Variants in VAT1L observed in about 807,000 individuals in gnomAD.
The protein encoded by VAT1L is putative NADPH-dependent quinone oxidoreductase VAT1L.
A neutral mutation model predicts 44.1 loss-of-function variants in VAT1L; 34 were observed. That is an observed-to-expected ratio of 0.77 (90% confidence interval 0.59 to 1.03). The LOEUF (loss-of-function observed/expected upper bound fraction) is 1.03. VAT1L is among the 50% of genes least tolerant of loss of function. The probability of loss-of-function intolerance (pLI) is 0.00; values close to 1 mark genes in which losing one functional copy is unlikely to be tolerated. For synonymous variants in VAT1L, 253 were observed against 202.2 expected (o/e 1.25, Z -2.13); for missense variants, 615 against 538.8 (o/e 1.14, Z -1.40).
rs35017686 is a variant in VAT1L at position 77,975,194 on chromosome 16, C to CTTTTTTTTTTTTTTTTT, written c.1162-2385_1162-2369dup. Among the ~76,000 whole-genome samples the CTTTTTTTTTTTTTTTTT allele has an allele frequency of 5.3e-4, 21 of 39,858 alleles. 3 individuals carry two copies. Among genetic ancestry groups the CTTTTTTTTTTTTTTTTT allele is most frequent in the South Asian group, 1.2e-3 (1 of 812 alleles). The allele number at this position is 39,858 out of a possible 152,430, so 26.1% of individuals were successfully genotyped here. ...GTGCTTTCTCCTACTGGAATGACCACTTTTTTTTTTTTTTTTTTTTTTTTT... is the reference window on the plus strand; with the variant it reads ...GTGCTTTCTCCTACTGGAATGACCACTTTTTTTTTTTTTTTTTTTTTTTTTTTTTTTTTTTTTTTTTT... On this transcript the variant is annotated intron_variant, in intron 8 of 8. Transcript: ENST00000302536.
rs374966419 is a variant in VAT1L at position 77,820,269 on chromosome 16, G to T, written c.363+3219G>T. Among the ~76,000 whole-genome samples, 121 of 149,548 alleles carry T rather than the reference G, an allele frequency of 8.1e-4. 1 individual carries two copies. The highest frequency in any genetic ancestry group is 2.4e-3 in the African/African-American group (100 of 41,310). ...TGACAATAGTCATGGTGACTCCCAG[G>T]GTTTCCGTGATTCTCCCTCTACAAA... is the stretch of plus-strand genomic sequence containing the variant. On this transcript the variant is annotated intron_variant, in intron 2 of 8. Transcript: ENST00000302536.
At chr16:77,850,235 C>T (rs898199223) in intron 3 of VAT1L, among the ~76,000 whole-genome samples, 20 of 152,196 alleles carry the variant, frequency 1.3e-4, no homozygotes, top group Non-Finnish European at 2.4e-4. Flanking sequence ...ATCTCCTAAG[C>T]CCCCACTTTG....
chr16:77,955,488 G>A (rs1056889087), intron 7 of VAT1L, among the ~76,000 whole-genome samples: 2 of 152,198 alleles, frequency 1.3e-5, no homozygotes, highest in South Asian at 2.1e-4. Context: ...ACTTTGGGAC[G>A]CCAAGGCGGG....
chr16:77,947,524 C>A (rs1475426164), intron 7 of VAT1L, among the ~76,000 whole-genome samples: 1 of 152,010 alleles, frequency 6.6e-6, no homozygotes, highest in Non-Finnish European at 1.5e-5. Context: ...ATATTACTCT[C>A]AGGGTTATCT....
At chr16:77,955,777 CA>C (rs1305895047) in intron 7 of VAT1L, among the ~76,000 whole-genome samples, 4 of 148,172 alleles carry the variant, frequency 2.7e-5, no homozygotes, top group Non-Finnish European at 5.9e-5. Flanking sequence ...GACCCAGGGA[CA>C]AGCAAGATGC....
intron 7 of VAT1L, among the ~76,000 whole-genome samples, chr16:77,952,772 C>T (rs112129994): frequency 0.05 from 7,314 of 146,242 alleles, 602 homozygotes; most frequent in African/African-American, 0.18. Context: ...GCAGGAGAAT[C>T]GTTTGACCTG....
intron 7 of VAT1L, among the ~76,000 whole-genome samples, chr16:77,951,962 G>C (rs1026279073): frequency 2.0e-5 from 3 of 152,168 alleles, no homozygotes; most frequent in Non-Finnish European, 4.4e-5. Flanking sequence ...TGAGCACTAG[G>C]GGGAGATAGT....
At chr16:77,949,061 A>C (rs1443787845) in intron 7 of VAT1L, among the ~76,000 whole-genome samples, 1 of 152,254 alleles carries the variant, frequency 6.6e-6, no homozygotes, top group East Asian at 1.9e-4. Flanking sequence ...ATCAGTAATC[A>C]TGACTGTGGC....
At chr16:77,854,221 T>C (rs1339064468) in intron 3 of VAT1L, among the ~76,000 whole-genome samples, 1 of 152,126 alleles carries the variant, frequency 6.6e-6, no homozygotes, top group Non-Finnish European at 1.5e-5. Flanking sequence ...CTCTCCTATC[T>C]CAGCCATGCA....
Position 77,945,278 on chromosome 16 carries a change from C to CT in VAT1L, c.1078-26556dup, listed in dbSNP as rs56055464. On this transcript the variant is annotated intron_variant, in intron 7 of 8. Transcript: ENST00000302536. ...GAATGGCCAATTCCAGATTGCAGAA[C>CT]TTTTTTTTTTTTTTTTGAGAGAGAG... Among the ~76,000 whole-genome samples the CT allele has an allele frequency of 9.8e-3, 814 of 83,066 alleles. 38 individuals carry two copies. Among genetic ancestry groups the CT allele is most frequent in the African/African-American group, 0.033 (772 of 23,262 alleles). 54.5% of individuals were successfully genotyped at this position (83,066 alleles called of 152,430 possible). A position where few individuals can be genotyped will look rare whatever the true frequency, so the allele number is the denominator to read the frequency against.
chr16:77,789,573 C>T (rs558063480), intron 1 of VAT1L, among the ~76,000 whole-genome samples: 20 of 152,134 alleles, frequency 1.3e-4, no homozygotes, highest in South Asian at 4.1e-4. Flanking sequence ...CGTAGCCTGA[C>T]GGGGAAAGGA....
At chr16:77,791,151 G>C (rs1324177138) in intron 1 of VAT1L, among the ~76,000 whole-genome samples, 2 of 152,194 alleles carry the variant, frequency 1.3e-5, no homozygotes, top group African/African-American at 4.8e-5. Context: ...CCTCTGGGCT[G>C]GGATTGGCTG....
chr16:77,862,725 T>A (rs404962), intron 3 of VAT1L, 23 bp from the exon 4 acceptor site: 2 of 1,606,014 alleles, frequency 1.2e-6, no homozygotes, highest in Middle Eastern at 1.7e-4. Context: ...ATGTGTGACA[T>A]AGCTATTGTC....
In VAT1L at chr16:77,817,038, G is replaced by A; in HGVS notation, c.351G>A (p.Val117=). 1 of 1,613,792 alleles carries A rather than the reference G, an allele frequency of 6.2e-7. No individual in the cohort carries two copies. Among genetic ancestry groups the A allele is most frequent in the South Asian group, 1.1e-5 (1 of 90,994 alleles). Residue 117 remains valine, a synonymous_variant, in exon 2 of 9, where the codon GTG becomes GTA. Coordinates refer to ENST00000302536, the MANE Select transcript of VAT1L (RefSeq NM_020927.3). ...TTGTTGAAGCTCTGGGGGACAGCGT[G>A]AAAGGATATGAGGTAATGTTTGGCT... The part of the protein sequence containing the change: ...SGIVEALGDS[V]KGYEIGDRVM...
At chr16:77,837,291 T>G (rs1292835573) in intron 3 of VAT1L, among the ~76,000 whole-genome samples, 1 of 152,226 alleles carries the variant, frequency 6.6e-6, no homozygotes, top group Non-Finnish European at 1.5e-5. Flanking sequence ...TCAGGCAGAT[T>G]TGGTGCCTGG....
At chr16:77,936,867 G>C (rs1472986371) in intron 7 of VAT1L, among the ~76,000 whole-genome samples, 1 of 89,264 alleles carries the variant, frequency 1.1e-5, no homozygotes, top group Non-Finnish European at 2.4e-5. Flanking sequence ...GGTTTGTTTG[G>C]TTTCTTGTTT....
At chr16:77,933,537 C>A (rs72796728) in intron 7 of VAT1L, among the ~76,000 whole-genome samples, 1 of 151,930 alleles carries the variant, frequency 6.6e-6, no homozygotes, top group East Asian at 1.9e-4. Flanking sequence ...ATAATTTCAA[C>A]AATGGAAAAA....
intron 7 of VAT1L, among the ~76,000 whole-genome samples, chr16:77,957,672 C>G (rs2018118728): frequency 6.6e-6 from 1 of 151,742 alleles, no homozygotes; most frequent in Non-Finnish European, 1.5e-5. Context: ...TTGCAGTGAG[C>G]TGAGATCGGG....
At chr16:77,798,112 A>G (rs1021130579) in intron 1 of VAT1L, among the ~76,000 whole-genome samples, 3 of 152,194 alleles carry the variant, frequency 2.0e-5, no homozygotes, top group Non-Finnish European at 2.9e-5. Context: ...GACATGCTAA[A>G]CAATGCTTCA....
Sources: gnomAD v4.1 joint callset for allele counts (sites outside exome capture counted in the v4.1 genomes callset) on GRCh38, gnomAD v4.1.1 for gene constraint, MANE v1.5 for transcripts, NCBI Gene and HGNC (gene_info 2026-07-23, HGNC 2026-07-21) for gene names.